The following DLGAP2 variants were observed in gnomAD, a reference collection of about 807,000 sequenced individuals.
DLGAP2 encodes disks large-associated protein 2.
In DLGAP2, 26 loss-of-function variants were observed where a neutral mutation model predicts 100.3. That is an observed-to-expected ratio of 0.26 (90% confidence interval 0.19 to 0.36). DLGAP2 has a LOEUF of 0.36. DLGAP2 is among the 10% of genes least tolerant of loss of function. The pLI, the probability that DLGAP2 is intolerant of heterozygous loss-of-function variation, is 1.00. For missense variants in DLGAP2, 1,858 were observed against 1,453.2 expected (o/e 1.28, Z -4.53); for synonymous variants, 886 against 630.1 (o/e 1.41, Z -6.08).
At chr8:1,172,869 C>T (rs1173069619) in intron 2 of DLGAP2, among the ~76,000 whole-genome samples, 1 of 152,230 alleles carries the variant, frequency 6.6e-6, no homozygotes, top group Non-Finnish European at 1.5e-5. Flanking sequence ...CTGAACCCTT[C>T]TTCTCTCATC....
chr8:1,645,818 C>A (rs1014802079), intron 8 of DLGAP2, among the ~76,000 whole-genome samples: 2 of 152,150 alleles, frequency 1.3e-5, no homozygotes, highest in Non-Finnish European at 2.9e-5. Context: ...GATAGGTATT[C>A]CTAGATCCCA....
At chr8:1,537,820 C>G (rs1335581987) in intron 4 of DLGAP2, among the ~76,000 whole-genome samples, 2 of 151,948 alleles carry the variant, frequency 1.3e-5, no homozygotes, top group Admixed American at 6.6e-5. Flanking sequence ...GAGTAAATGT[C>G]ATAGGAAAAG....
intron 3 of DLGAP2, among the ~76,000 whole-genome samples, chr8:1,484,168 G>A (rs1799180619): frequency 6.6e-6 from 1 of 152,196 alleles, no homozygotes; most frequent in African/African-American, 2.4e-5. Flanking sequence ...AGGTGCCAAG[G>A]CCACAGCCTC....
At chr8:1,131,747 C>A (rs535018468) in intron 2 of DLGAP2, among the ~76,000 whole-genome samples, 1 of 152,188 alleles carries the variant, frequency 6.6e-6, no homozygotes. Context: ...TGCTGTGTTA[C>A]AGACATTTCC....
rs537969423 is a variant in DLGAP2 at position 1,386,216 on chromosome 8, G to A, written c.107-115150G>A. On this transcript the variant is annotated intron_variant, in intron 3 of 14. Transcript: ENST00000637795. The stretch of plus-strand genomic sequence containing the variant: ...CTCAAAAGAGCATAGAGAAAGCAGA[G>A]TGGGGAAATGATCCAGGAAAAGGAA... Among the ~76,000 whole-genome samples, 125 of 152,332 alleles carry A rather than the reference G, an allele frequency of 8.2e-4. 2 individuals are homozygous for A. Among genetic ancestry groups the A allele is most frequent in the African/African-American group, 2.9e-3 (119 of 41,572 alleles).
intron 2 of DLGAP2, among the ~76,000 whole-genome samples, chr8:1,241,940 A>G (rs1213716036): frequency 1.3e-5 from 2 of 152,224 alleles, no homozygotes; most frequent in Non-Finnish European, 2.9e-5. Context: ...AGGTACATGA[A>G]TGATGATCAC....
rs985308585 is a variant in DLGAP2 at position 1,244,093 on chromosome 8, T to C, written c.74-14758T>C. On this transcript the variant is annotated intron_variant, in intron 2 of 14. Transcript: ENST00000637795. ...ATGGTGGGTGTCAGCTCTCAGCCTCTGCATTCCACCGTAGGGATGGTGAGT... is the reference window on the plus strand; with the variant it reads ...ATGGTGGGTGTCAGCTCTCAGCCTCCGCATTCCACCGTAGGGATGGTGAGT... Among the ~76,000 whole-genome samples, 3 of 152,100 alleles carry C rather than the reference T, an allele frequency of 2.0e-5. No homozygotes were observed. The South Asian group carries it at 6.2e-4, about 32-fold the overall frequency.
At chr8:981,102 C>A (rs1800318943) in intron 2 of DLGAP2, among the ~76,000 whole-genome samples, 1 of 152,134 alleles carries the variant, frequency 6.6e-6, no homozygotes, top group African/African-American at 2.4e-5. Context: ...AGACCCTGCA[C>A]CTGTAACCTA....
At chr8:973,086 C>T (rs1241098388) in intron 2 of DLGAP2, among the ~76,000 whole-genome samples, 1 of 152,254 alleles carries the variant, frequency 6.6e-6, no homozygotes, top group African/African-American at 2.4e-5. Flanking sequence ...TTCTATTCGA[C>T]AAAACCGCCA....
At chr8:1,413,516 C>A (rs552391906) in intron 3 of DLGAP2, among the ~76,000 whole-genome samples, 6 of 152,304 alleles carry the variant, frequency 3.9e-5, no homozygotes, top group African/African-American at 1.4e-4. Flanking sequence ...TGCACTAAAT[C>A]TGGCAAGTAT....
At chr8:862,914 A>G (rs2128990245) in intron 1 of DLGAP2, among the ~76,000 whole-genome samples, 1 of 152,328 alleles carries the variant, frequency 6.6e-6, no homozygotes, top group East Asian at 1.9e-4. Context: ...AATCAGGAAA[A>G]TAAATCATAG....
intron 1 of DLGAP2, among the ~76,000 whole-genome samples, chr8:768,289 C>T (rs553564755): frequency 1.3e-5 from 2 of 152,266 alleles, no homozygotes; most frequent in South Asian, 4.1e-4. Flanking sequence ...TGAACCACTT[C>T]TAAGAGTAGT....
At chr8:1,379,248 G>C (rs1246030858) in intron 3 of DLGAP2, among the ~76,000 whole-genome samples, 1 of 152,250 alleles carries the variant, frequency 6.6e-6, no homozygotes, top group Non-Finnish European at 1.5e-5. Context: ...ATGCAGTGCC[G>C]GCTCTGTGCC....
intron 4 of DLGAP2, among the ~76,000 whole-genome samples, chr8:1,539,039 C>A (rs575323646): frequency 4.6e-5 from 7 of 152,106 alleles, no homozygotes; most frequent in African/African-American, 1.7e-4. Context: ...GTGCACACCA[C>A]CACGCCTGAC....
intron 1 of DLGAP2, among the ~76,000 whole-genome samples, chr8:837,774 T>G (rs980831722): frequency 2.7e-5 from 4 of 150,600 alleles, no homozygotes; most frequent in Non-Finnish European, 3.0e-5. Flanking sequence ...TGGAGTGCAG[T>G]GGTGCGATCT....
Position 1,574,877 on chromosome 8 carries a change from G to A in DLGAP2, c.1442+8983G>A, listed in dbSNP as rs560837541. Among the ~76,000 whole-genome samples, 5 of 152,338 alleles carry A rather than the reference G, an allele frequency of 3.3e-5. No homozygotes were observed. The South Asian group carries it at 6.2e-4, about 19-fold the overall frequency. ...ATATGTGACTCATGAGATTTTGCAA[G>A]CATTGAGAAAATACCTAATGAGTCT... On this transcript the variant is annotated intron_variant, in intron 6 of 14. Transcript: ENST00000637795.
intron 2 of DLGAP2, among the ~76,000 whole-genome samples, chr8:1,115,369 C>G (rs1048378340): frequency 6.6e-6 from 1 of 152,120 alleles, no homozygotes; most frequent in Non-Finnish European, 1.5e-5. Context: ...TCTGGGTGCT[C>G]CTGTGTTGGA....
rs140184074 is a variant in DLGAP2, at chr8:1,358,239, G to A, written c.106+99356G>A. ...AGGGGCTGCGAAAGGTTTGGTGAGT[G>A]GAATGAGGTGAGAATCTAAGTAATT... is the stretch of plus-strand genomic sequence containing the variant. On this transcript the variant is annotated intron_variant, in intron 3 of 14. Transcript: ENST00000637795. Among the ~76,000 whole-genome samples, 1,198 of 152,278 alleles carry A rather than the reference G, an allele frequency of 7.9e-3. 14 individuals are homozygous for A. Among genetic ancestry groups the A allele is most frequent in the Non-Finnish European group, 0.012 (819 of 68,000 alleles).
chr8:860,619 C>G (rs1428986245), intron 1 of DLGAP2, among the ~76,000 whole-genome samples: 1 of 152,204 alleles, frequency 6.6e-6, no homozygotes, highest in Non-Finnish European at 1.5e-5. Flanking sequence ...CAATCCCTAA[C>G]CTGTCATCCT....
Sources: allele counts gnomAD v4.1 joint callset (sites outside exome capture counted in the v4.1 genomes callset), GRCh38; gene constraint gnomAD v4.1.1; transcripts MANE v1.5; gene names NCBI Gene and HGNC (gene_info 2026-07-23, HGNC 2026-07-21).